The following RBFOX1 variants were observed in gnomAD, a reference collection of about 807,000 sequenced individuals.
The protein encoded by RBFOX1 is RNA binding protein fox-1 homolog 1.
RBFOX1 carries 8 observed loss-of-function variants against 57.7 expected under a neutral mutation model. The observed-to-expected ratio is 0.14, with a 90% CI of 0.08 to 0.25. The LOEUF is 0.25. Ranked by LOEUF, RBFOX1 falls within the 10% of genes least tolerant of loss-of-function variation. RBFOX1 has a pLI of 1.00. For synonymous variants in RBFOX1, 326 were observed against 222.4 expected (o/e 1.47, Z -4.15); for missense variants, 611 against 548.5 (o/e 1.11, Z -1.14).
intron 4 of RBFOX1, among the ~76,000 whole-genome samples, chr16:7,372,337 G>C (rs958357394): frequency 6.6e-6 from 1 of 152,172 alleles, no homozygotes; most frequent in Non-Finnish European, 1.5e-5. Context: ...TGTTCACCCT[G>C]CTTAGGATCA....
intron 3 of RBFOX1, among the ~76,000 whole-genome samples, chr16:6,942,743 G>C (rs1012438487): frequency 2.0e-5 from 3 of 152,140 alleles, no homozygotes; most frequent in Non-Finnish European, 4.4e-5. Flanking sequence ...TCTCTTGAGA[G>C]ACAGACTCAC....
Position 6,854,774 on chromosome 16 carries a change from T to G in RBFOX1, c.-15-197283T>G, listed in dbSNP as rs987825430. ...TGCGCCCGGCTAATTTTTTGTATTT[T>G]TAGTAGAGACGGGGTTTCACCATGT... is the stretch of plus-strand genomic sequence containing the variant. On this transcript the variant is annotated intron_variant, in intron 3 of 15. Transcript: ENST00000550418. 1.2e-4 allele frequency among the ~76,000 whole-genome samples: 19 copies of G among 152,032 alleles called. 1 individual carries two copies. In the South Asian group the frequency reaches 1.3e-3, roughly 10 times the overall value.
intron 2 of RBFOX1, among the ~76,000 whole-genome samples, chr16:6,488,694 A>G (rs1055079447): frequency 1.3e-5 from 2 of 152,194 alleles, no homozygotes; most frequent in Non-Finnish European, 2.9e-5. Context: ...TAAGAGATAC[A>G]CTACGTTAGG....
At chr16:6,661,924 G>T (rs1348998802) in intron 3 of RBFOX1, among the ~76,000 whole-genome samples, 1 of 152,180 alleles carries the variant, frequency 6.6e-6, no homozygotes, top group Non-Finnish European at 1.5e-5. Flanking sequence ...CATCATGGGA[G>T]TTCTACAATG....
intron 1 of RBFOX1, among the ~76,000 whole-genome samples, chr16:6,148,056 C>T (rs1362900104): frequency 2.0e-5 from 3 of 152,132 alleles, no homozygotes; most frequent in Non-Finnish European, 2.9e-5. Flanking sequence ...AGACTGGGCA[C>T]GGTGGCTCAA....
At chr16:6,961,075 G>A (rs1045549125) in intron 3 of RBFOX1, among the ~76,000 whole-genome samples, 4 of 150,930 alleles carry the variant, frequency 2.7e-5, no homozygotes, top group Non-Finnish European at 5.9e-5. Flanking sequence ...TCCGGGAGGC[G>A]GGAGTTGCAG....
chr16:7,036,722 AAAAC>A (rs199498271), intron 3 of RBFOX1, among the ~76,000 whole-genome samples: 90 of 114,756 alleles, frequency 7.8e-4, no homozygotes, highest in African/African-American at 2.1e-3. Flanking sequence ...AAAAAAACAA[AAAAC>A]AAACAAAGAA....
chr16:5,994,343 G>A (rs2060456077), intron 4 of RBFOX1, among the ~76,000 whole-genome samples: 1 of 152,118 alleles, frequency 6.6e-6, no homozygotes, highest in African/African-American at 2.4e-5. Flanking sequence ...TGTATTTTTA[G>A]TAGAGACTGG....
chr16:6,070,313 G>C (rs752143522), intron 1 of RBFOX1, among the ~76,000 whole-genome samples: 1 of 152,144 alleles, frequency 6.6e-6, no homozygotes, highest in Non-Finnish European at 1.5e-5. Context: ...TTAATAATTA[G>C]GGTTGTTATT....
chr16:6,034,051 T>C (rs2095327935), intron 1 of RBFOX1, among the ~76,000 whole-genome samples: 1 of 151,884 alleles, frequency 6.6e-6, no homozygotes, highest in South Asian at 2.1e-4. Flanking sequence ...ATAGGAATCG[T>C]TGGCCAGGCG....
At chr16:6,126,140 A>G (rs1486815607) in intron 1 of RBFOX1, among the ~76,000 whole-genome samples, 1 of 152,230 alleles carries the variant, frequency 6.6e-6, no homozygotes, top group Non-Finnish European at 1.5e-5. Context: ...CCAGGAAATC[A>G]AATCCGAGGG....
chr16:6,176,313 A>ATTT (rs34667158), intron 1 of RBFOX1, among the ~76,000 whole-genome samples: 4,719 of 95,122 alleles, frequency 0.05, 308 homozygotes, highest in African/African-American at 0.11. Context: ...GCCTGACCAA[A>ATTT]TTTTTTTTTT....
rs77900790 is a variant in RBFOX1, at chr16:6,439,701, A to G, written c.-64+122644A>G. Among the ~76,000 whole-genome samples the G allele has an allele frequency of 1.6e-4, 25 of 152,266 alleles. No homozygotes were observed. The East Asian group carries it at 4.3e-3, about 26-fold the overall frequency. Reference sequence around the variant, plus strand: ...AACCCACAAGCAGCTGTAGCCCACAATATCTTCTAGAGGGGTAGACATATT... The same window carrying G: ...AACCCACAAGCAGCTGTAGCCCACAGTATCTTCTAGAGGGGTAGACATATT... On this transcript the variant is annotated intron_variant, in intron 2 of 15. Coordinates refer to ENST00000550418, the MANE Select transcript of RBFOX1 (RefSeq NM_018723.4).
At chr16:6,072,242 C>G (rs1409719389) in intron 1 of RBFOX1, among the ~76,000 whole-genome samples, 3 of 152,154 alleles carry the variant, frequency 2.0e-5, no homozygotes, top group South Asian at 2.1e-4. Context: ...CCCCCATGAT[C>G]CAATTACCTC....
Position 7,506,624 on chromosome 16 carries a change from G to A in RBFOX1, c.28-11523G>A, listed in dbSNP as rs566513341. On this transcript the variant is annotated intron_variant, in intron 4 of 15. Coordinates refer to ENST00000550418, the MANE Select transcript of RBFOX1 (RefSeq NM_018723.4). ...CATCATCACCACCACCACCATCTTT[G>A]CTTTTATCTTCTTATGGATTCAGTA... 7.9e-5 allele frequency among the ~76,000 whole-genome samples: 12 copies of A among 151,766 alleles called. 2 individuals are homozygous for A. In the South Asian group the frequency reaches 2.5e-3, roughly 32 times the overall value.
chr16:7,509,034 A>G (rs2074252611), intron 4 of RBFOX1, among the ~76,000 whole-genome samples: 1 of 152,252 alleles, frequency 6.6e-6, no homozygotes, highest in Non-Finnish European at 1.5e-5. Flanking sequence ...GGAAGAACAA[A>G]GTACTTGCAG....
intron 2 of RBFOX1, among the ~76,000 whole-genome samples, chr16:5,583,758 C>T (rs1021930496): frequency 1.3e-5 from 2 of 152,172 alleles, no homozygotes; most frequent in Non-Finnish European, 2.9e-5. Flanking sequence ...AGGCTGTTAG[C>T]CCCATCTTAT....
chr16:6,966,226 A>C (rs2084121412), intron 3 of RBFOX1, among the ~76,000 whole-genome samples: 1 of 152,140 alleles, frequency 6.6e-6, no homozygotes, highest in Non-Finnish European at 1.5e-5. Flanking sequence ...CCAGCTTCTC[A>C]CATAGGGCCA....
chr16:6,681,216 G>A (rs911770062), intron 3 of RBFOX1, among the ~76,000 whole-genome samples: 1 of 152,146 alleles, frequency 6.6e-6, no homozygotes, highest in Non-Finnish European at 1.5e-5. Context: ...GGAGGTTGAG[G>A]CAGGAGCATC....
Sources: gnomAD v4.1 joint callset for allele counts (sites outside exome capture counted in the v4.1 genomes callset) on GRCh38, gnomAD v4.1.1 for gene constraint, MANE v1.5 for transcripts, NCBI Gene and HGNC (gene_info 2026-07-23, HGNC 2026-07-21) for gene names.